CHRDL1: variants seen among roughly 807,000 people sequenced by gnomAD.
The protein encoded by CHRDL1 is chordin like 1.
CHRDL1 carries 19 observed loss-of-function variants against 40.9 expected under a neutral mutation model. That is an observed-to-expected ratio of 0.46 (90% CI 0.32 to 0.68). CHRDL1 has a LOEUF of 0.68. Ranked by LOEUF, CHRDL1 falls within the 30% of genes least tolerant of loss-of-function variation. The pLI is 0.03. For missense variants in CHRDL1, 329 were observed against 352.1 expected, an observed-to-expected ratio of 0.93 and a Z score of 0.53; for synonymous variants, 136 against 123.4, an observed-to-expected ratio of 1.10 and a Z score of -0.68.
At chrX:110,747,645 C>A (rs184391529) in intron 4 of CHRDL1, among the ~76,000 whole-genome samples, 127 of 112,319 alleles carry the variant, frequency 1.1e-3, no homozygotes, top group African/African-American at 3.9e-3. Context: ...TACATACGTA[C>A]AACATAAATG....
intron 9 of CHRDL1, among the ~76,000 whole-genome samples, chrX:110,686,854 A>T (rs762389886): frequency 1.0e-5 from 1 of 99,815 alleles, no homozygotes; most frequent in Non-Finnish European, 2.0e-5. Flanking sequence ...ACTGCACTCC[A>T]GCCTGGGCGA....
At position 110,752,836 on chromosome X, in the gene CHRDL1, G is replaced by A. The variant is rs180787262; in HGVS notation, c.301+6825C>T. On this transcript the variant is annotated intron_variant, in intron 4 of 11. Coordinates refer to ENST00000372042, the MANE Select transcript of CHRDL1 (RefSeq NM_001143981.2). Reference sequence around the variant, plus strand: ...TTTTGATAAAATCCAAGAGACAAACGAATATAGAATTCAGAAGAGAATAGA... The same window carrying A: ...TTTTGATAAAATCCAAGAGACAAACAAATATAGAATTCAGAAGAGAATAGA... Among the ~76,000 whole-genome samples the A allele has an allele frequency of 5.4e-5, 6 of 110,900 alleles. No individual in the cohort carries two copies. The East Asian group carries it at 1.7e-3, about 31-fold the overall frequency.
chrX:110,788,254 G>T (rs1331250504), intron 2 of CHRDL1, among the ~76,000 whole-genome samples: 1 of 112,175 alleles, frequency 8.9e-6, no homozygotes, highest in African/African-American at 3.2e-5. Flanking sequence ...AAGAGAAATT[G>T]TAACTATGGC....
intron 9 of CHRDL1, among the ~76,000 whole-genome samples, chrX:110,688,070 G>T (rs1019500005): frequency 7.2e-5 from 8 of 110,967 alleles, no homozygotes; most frequent in African/African-American, 2.6e-4. Context: ...TATAGTGTTA[G>T]AAGGGAGCTT....
At chrX:110,742,958 C>T (rs1032505914) in intron 4 of CHRDL1, among the ~76,000 whole-genome samples, 3 of 111,860 alleles carry the variant, frequency 2.7e-5, no homozygotes, top group Non-Finnish European at 5.6e-5. Context: ...AATTCACTGC[C>T]GCACAGAAGT....
chrX:110,707,667 G>GT lies in CHRDL1; in HGVS notation c.542-6947dup, dbSNP rs1035667110. 8.9e-5 allele frequency among the ~76,000 whole-genome samples: 10 copies of GT among 111,835 alleles called. No homozygotes were observed. The South Asian group carries it at 3.4e-3, about 37-fold the overall frequency. On this transcript the variant is annotated intron_variant, in intron 6 of 11. Transcript: ENST00000372042. ...CTCAAGATGGATTAAAGGCTTAAAC[G>GT]TAAGACCTAAAACCATAAAAACCCT... is the stretch of plus-strand genomic sequence containing the variant.
intron 3 of CHRDL1, among the ~76,000 whole-genome samples, chrX:110,761,315 A>G (rs1010897365): frequency 9.0e-6 from 1 of 111,642 alleles, no homozygotes; most frequent in Non-Finnish European, 1.9e-5. Flanking sequence ...GTTACCTGAT[A>G]ATTATGTTTC....
intron 2 of CHRDL1, among the ~76,000 whole-genome samples, chrX:110,782,683 T>C (rs1438672480): frequency 1.8e-5 from 2 of 112,624 alleles, no homozygotes; most frequent in Non-Finnish European, 3.7e-5. Context: ...ACACATAATG[T>C]ATAAAATAGT....
At chrX:110,724,943 T>A (rs2071028663) in intron 4 of CHRDL1, among the ~76,000 whole-genome samples, 1 of 111,956 alleles carries the variant, frequency 8.9e-6, no homozygotes, top group South Asian at 3.8e-4. Flanking sequence ...ACAAATATCC[T>A]TGGAACACAT....
At chrX:110,699,051 G>T (rs1288308706) in intron 7 of CHRDL1, among the ~76,000 whole-genome samples, 1 of 111,948 alleles carries the variant, frequency 8.9e-6, no homozygotes, top group Non-Finnish European at 1.9e-5. Flanking sequence ...TTTCCTCAGG[G>T]TTTATATTAA....
intron 4 of CHRDL1, among the ~76,000 whole-genome samples, chrX:110,726,214 A>G (rs1460367839): frequency 9.0e-6 from 1 of 111,622 alleles, no homozygotes; most frequent in Non-Finnish European, 1.9e-5. Context: ...TATGATCTGA[A>G]TATTTGTGTG....
chrX:110,741,752 C>A (rs2071364451), intron 4 of CHRDL1, among the ~76,000 whole-genome samples: 1 of 111,930 alleles, frequency 8.9e-6, no homozygotes, highest in Non-Finnish European at 1.9e-5. Flanking sequence ...ATTTTTAGGG[C>A]TGGGAGGGTC....
At chrX:110,763,370 T>C (rs1011646532) in intron 2 of CHRDL1, among the ~76,000 whole-genome samples, 2 of 109,424 alleles carry the variant, frequency 1.8e-5, no homozygotes, top group Non-Finnish European at 3.8e-5. Context: ...AGTGAGATCA[T>C]ACGATGTTCG....
chrX:110,768,025 C>T (rs2089690761), intron 2 of CHRDL1, among the ~76,000 whole-genome samples: 1 of 112,112 alleles, frequency 8.9e-6, no homozygotes, highest in South Asian at 3.7e-4. Flanking sequence ...ACTACTACTC[C>T]GTTACAATGA....
intron 6 of CHRDL1, among the ~76,000 whole-genome samples, chrX:110,706,443 C>G (rs781225294): frequency 4.5e-5 from 5 of 112,068 alleles, no homozygotes; most frequent in Admixed American, 1.9e-4. Context: ...CAGTCATACT[C>G]TCTCTGAGTG....
rs1348577468 is a variant in CHRDL1 at position 110,716,472 on chromosome X, TA to T, written c.541+3362del. Among the ~76,000 whole-genome samples, 5 of 110,717 alleles carry T rather than the reference TA, an allele frequency of 4.5e-5. No individual in the cohort carries two copies. In the East Asian group the frequency reaches 1.4e-3, roughly 31 times the overall value. On this transcript the variant is annotated intron_variant, in intron 6 of 11. Transcript: ENST00000372042. ...GATGATAATACATGGGCACAAATAA[TA>T]AAAAACAGAAGTTGACAAGGTGATA...
intron 4 of CHRDL1, among the ~76,000 whole-genome samples, chrX:110,756,291 C>A (rs1318034717): frequency 8.9e-6 from 1 of 111,741 alleles, no homozygotes; most frequent in Non-Finnish European, 1.9e-5. Flanking sequence ...TAAATGGGAG[C>A]CAAAGCCATA....
At chrX:110,723,629 C>T (rs1486037597) in intron 4 of CHRDL1, among the ~76,000 whole-genome samples, 1 of 111,595 alleles carries the variant, frequency 9.0e-6, no homozygotes, top group Admixed American at 9.5e-5. Context: ...GTGCCAATCA[C>T]TTCAAACCTA....
chrX:110,730,885 A>C (rs1430554606), intron 4 of CHRDL1, among the ~76,000 whole-genome samples: 1 of 112,093 alleles, frequency 8.9e-6, no homozygotes, highest in Non-Finnish European at 1.9e-5. Context: ...GAAAGGATTT[A>C]ATATTTTTTA....
Sources: allele counts gnomAD v4.1 joint callset (sites outside exome capture counted in the v4.1 genomes callset), GRCh38; gene constraint gnomAD v4.1.1; transcripts MANE v1.5; gene names NCBI Gene and HGNC (gene_info 2026-07-23, HGNC 2026-07-21).